Variants in CAMK4 observed in about 807,000 individuals in gnomAD.
CAMK4 encodes calcium/calmodulin dependent protein kinase IV.
CAMK4 carries 22 observed loss-of-function variants against 44.9 expected under a neutral mutation model. The ratio of observed to expected loss-of-function variants is 0.49; its 90% CI spans 0.35 to 0.70. The LOEUF (loss-of-function observed/expected upper bound fraction) is 0.70. CAMK4 is among the 30% of genes least tolerant of loss of function. The pLI is 0.01. For synonymous variants in CAMK4, 218 were observed against 215.4 expected (o/e 1.01, Z -0.11); for missense variants, 498 against 586.8 (o/e 0.85, Z 1.56).
At chr5:111,273,677 T>TTTTATA (rs1418947550) in intron 1 of CAMK4, among the ~76,000 whole-genome samples, 4 of 41,128 alleles carry the variant, frequency 9.7e-5, no homozygotes, top group East Asian at 6.3e-4. Context: ...AAAAATGCAT[T>TTTTATA]TATATATATA....
chr5:111,238,945 C>T (rs1580464093), intron 1 of CAMK4, among the ~76,000 whole-genome samples: 1 of 150,784 alleles, frequency 6.6e-6, no homozygotes, highest in Non-Finnish European at 1.5e-5. Context: ...GGCACTAGCA[C>T]CTTGGATCCC....
At chr5:111,405,106 T>C (rs1752371548) in intron 5 of CAMK4, among the ~76,000 whole-genome samples, 1 of 152,174 alleles carries the variant, frequency 6.6e-6, no homozygotes, top group Non-Finnish European at 1.5e-5. Context: ...AATACGCTAT[T>C]TGATGTATCT....
chr5:111,360,535 C>G (rs1750550979), intron 2 of CAMK4, among the ~76,000 whole-genome samples: 1 of 152,082 alleles, frequency 6.6e-6, no homozygotes, highest in South Asian at 2.1e-4. Context: ...TGAAACCGGA[C>G]AGTCTTGGAA....
intron 2 of CAMK4, among the ~76,000 whole-genome samples, chr5:111,351,787 A>G (rs1310164530): frequency 6.6e-6 from 1 of 152,096 alleles, no homozygotes; most frequent in East Asian, 1.9e-4. Flanking sequence ...TTTGTGAGGT[A>G]GGTGCTATCA....
intron 1 of CAMK4, among the ~76,000 whole-genome samples, chr5:111,338,202 T>G (rs1221011269): frequency 6.6e-6 from 1 of 151,226 alleles, no homozygotes; most frequent in African/African-American, 2.4e-5. Flanking sequence ...AAATAACATA[T>G]GAATTACCTC....
chr5:111,228,509 G>GGGGGGT (rs1554053042), intron 1 of CAMK4, among the ~76,000 whole-genome samples: 1 of 145,254 alleles, frequency 6.9e-6, no homozygotes, highest in Non-Finnish European at 1.5e-5. Context: ...CATAGTAAGG[G>GGGGGGT]GTGTGTGTGT....
rs1009074489 is a variant in CAMK4 at position 111,308,250 on chromosome 5, T to TAAAAAAA, written c.162-35773_162-35767dup. On this transcript the variant is annotated intron_variant, in intron 1 of 10. Coordinates refer to ENST00000282356, the MANE Select transcript of CAMK4 (RefSeq NM_001744.6). ...ATGTACCCTAAAACTTAGAGTATAATAAAAAAATAAAATAAAATAAATGTA... is the reference window on the plus strand; with the variant it reads ...ATGTACCCTAAAACTTAGAGTATAATAAAAAAAAAAAAAATAAAATAAAATAAATGTA... Among the ~76,000 whole-genome samples, 68 of 141,442 alleles carry TAAAAAAA rather than the reference T, an allele frequency of 4.8e-4. 2 individuals are homozygous for TAAAAAAA. The highest frequency in any genetic ancestry group is 1.8e-3 in the African/African-American group (65 of 36,532). The allele number at this position is 141,442 out of a possible 152,430, so 92.8% of individuals were successfully genotyped here.
At chr5:111,256,534 ACTT>A (rs1749753791) in intron 1 of CAMK4, among the ~76,000 whole-genome samples, 1 of 152,148 alleles carries the variant, frequency 6.6e-6, no homozygotes, top group African/African-American at 2.4e-5. Flanking sequence ...TAGTTTTGAG[ACTT>A]CTTGTGAATC....
intron 5 of CAMK4, among the ~76,000 whole-genome samples, chr5:111,413,991 A>G (rs1439421836): frequency 6.6e-6 from 1 of 152,086 alleles, no homozygotes; most frequent in Admixed American, 6.5e-5. Context: ...GGTCAACTAA[A>G]ATTATCTTTA....
chr5:111,319,952 A>C (rs544900066), intron 1 of CAMK4, among the ~76,000 whole-genome samples: 24 of 152,298 alleles, frequency 1.6e-4, no homozygotes, highest in Admixed American at 1.2e-3. Context: ...ATGTGAATCA[A>C]CCACAGAGGA....
At chr5:111,379,675 A>C (rs1387892579) in intron 4 of CAMK4, among the ~76,000 whole-genome samples, 3 of 152,138 alleles carry the variant, frequency 2.0e-5, no homozygotes, top group African/African-American at 7.2e-5. Flanking sequence ...GGTCAAAACA[A>C]ATTTACTTAA....
chr5:111,270,588 C>G (rs987578199), intron 1 of CAMK4, among the ~76,000 whole-genome samples: 1 of 152,214 alleles, frequency 6.6e-6, no homozygotes, highest in African/African-American at 2.4e-5. Flanking sequence ...TTTGGCTCCT[C>G]AATTTTTTTC....
At chr5:111,278,590 C>T (rs546322091) in intron 1 of CAMK4, among the ~76,000 whole-genome samples, 1 of 152,090 alleles carries the variant, frequency 6.6e-6, no homozygotes, top group South Asian at 2.1e-4. Context: ...ATGCAATGCA[C>T]CAGGTAGTGT....
intron 7 of CAMK4, among the ~76,000 whole-genome samples, chr5:111,456,392 G>A (rs770523920): frequency 1.3e-5 from 2 of 152,038 alleles, no homozygotes; most frequent in Non-Finnish European, 2.9e-5. Context: ...TCGGGAGGCT[G>A]AGGCAGGAGA....
At chr5:111,422,991 C>T (rs1406571509) in intron 5 of CAMK4, among the ~76,000 whole-genome samples, 1 of 152,150 alleles carries the variant, frequency 6.6e-6, no homozygotes, top group Non-Finnish European at 1.5e-5. Flanking sequence ...CACCCCCATA[C>T]ACCCCACATA....
At chr5:111,233,577 CATA>C (rs1401500479) in intron 1 of CAMK4, among the ~76,000 whole-genome samples, 1 of 152,106 alleles carries the variant, frequency 6.6e-6, no homozygotes, top group African/African-American at 2.4e-5. Flanking sequence ...TTGTTTTGTA[CATA>C]ATAACTAAAT....
chr5:111,470,061 T>C (rs1393597434), intron 7 of CAMK4, among the ~76,000 whole-genome samples: 1 of 152,220 alleles, frequency 6.6e-6, no homozygotes, highest in Non-Finnish European at 1.5e-5. Flanking sequence ...GCATGCTCAA[T>C]ATGTGTGCAT....
intron 5 of CAMK4, among the ~76,000 whole-genome samples, chr5:111,402,168 C>T (rs949830725): frequency 1.3e-5 from 2 of 152,236 alleles, no homozygotes; most frequent in African/African-American, 2.4e-5. Context: ...GCCTGCCACT[C>T]TCTCTCCCTC....
At chr5:111,238,417 C>T (rs1214770412) in intron 1 of CAMK4, among the ~76,000 whole-genome samples, 1 of 152,100 alleles carries the variant, frequency 6.6e-6, no homozygotes. Flanking sequence ...CTTGCTCGCT[C>T]GCTGTCTCTC....
Sources: allele counts gnomAD v4.1 joint callset (sites outside exome capture counted in the v4.1 genomes callset), GRCh38; gene constraint gnomAD v4.1.1; transcripts MANE v1.5; gene names NCBI Gene and HGNC (gene_info 2026-07-23, HGNC 2026-07-21).